The following SUGCT variants were observed in gnomAD, a reference collection of about 807,000 sequenced individuals.
The protein encoded by SUGCT is succinyl-CoA:glutarate-CoA transferase.
SUGCT carries 41 observed loss-of-function variants against 55.0 expected under a neutral mutation model. That is an observed-to-expected ratio of 0.74 (90% CI 0.58 to 0.97). The LOEUF is 0.97. Among genes scored for constraint, SUGCT ranks in the 50% least tolerant of loss-of-function variants. The probability of loss-of-function intolerance (pLI) is 0.00; values close to 1 mark genes in which losing one functional copy is unlikely to be tolerated. For missense variants in SUGCT, 568 were observed against 547.8 expected, an observed-to-expected ratio of 1.04 and a Z score of -0.37; for synonymous variants, 187 against 200.4, an observed-to-expected ratio of 0.93 and a Z score of 0.56.
chr7:40,853,971 A>T (rs1793988044), intron 13 of SUGCT, among the ~76,000 whole-genome samples: 1 of 152,230 alleles, frequency 6.6e-6, no homozygotes, highest in Admixed American at 6.5e-5. Flanking sequence ...CAGGCATCTA[A>T]ATAGACAATT....
At chr7:40,371,829 A>G (rs1784307993) in intron 9 of SUGCT, among the ~76,000 whole-genome samples, 1 of 152,060 alleles carries the variant, frequency 6.6e-6, no homozygotes, top group Non-Finnish European at 1.5e-5. Context: ...GAAGAAGAGA[A>G]TCTTCTGATT....
chr7:40,767,376 C>T (rs1788859982), intron 13 of SUGCT, among the ~76,000 whole-genome samples: 1 of 152,222 alleles, frequency 6.6e-6, no homozygotes, highest in South Asian at 2.1e-4. Context: ...TAAGCCCTAA[C>T]ATTCCCAAAC....
chr7:40,948,951 A>G, the SUGCT span, among the ~76,000 whole-genome samples: 1 of 152,158 alleles, frequency 6.6e-6, no homozygotes, highest in South Asian at 2.1e-4. Context: ...ATGATTTATA[A>G]TCCTTTGGGT....
At chr7:40,715,837 T>C (rs1054900061) in intron 12 of SUGCT, among the ~76,000 whole-genome samples, 2 of 152,210 alleles carry the variant, frequency 1.3e-5, no homozygotes, top group African/African-American at 4.8e-5. Context: ...CACTTTCCTG[T>C]GGTTTTTCGC....
chr7:40,245,310 T>C, intron 7 of SUGCT, among the ~76,000 whole-genome samples: 1 of 147,976 alleles, frequency 6.8e-6, no homozygotes, highest in African/African-American at 2.5e-5. Flanking sequence ...CCGCCTGCTT[T>C]GGCCTCTCAA....
intron 9 of SUGCT, among the ~76,000 whole-genome samples, chr7:40,325,092 A>G (rs1795962598): frequency 6.6e-6 from 1 of 152,210 alleles, no homozygotes; most frequent in Non-Finnish European, 1.5e-5. Flanking sequence ...AGAGACTCAG[A>G]CAGGCAGTAA....
At chr7:40,490,766 C>T (rs975122299) in intron 11 of SUGCT, among the ~76,000 whole-genome samples, 2 of 152,050 alleles carry the variant, frequency 1.3e-5, no homozygotes, top group African/African-American at 4.8e-5. Flanking sequence ...TATAGGAAGT[C>T]CCTAAATTGA....
intron 3 of SUGCT, among the ~76,000 whole-genome samples, chr7:40,183,048 G>T (rs1259153258): frequency 6.6e-6 from 1 of 152,190 alleles, no homozygotes; most frequent in Non-Finnish European, 1.5e-5. Flanking sequence ...CAAGGCAGGC[G>T]GATCACCTGA....
intron 12 of SUGCT, among the ~76,000 whole-genome samples, chr7:40,642,554 A>G (rs1355737510): frequency 1.3e-5 from 2 of 152,160 alleles, no homozygotes; most frequent in Non-Finnish European, 2.9e-5. Flanking sequence ...CACTATATTT[A>G]CTGGTCCCTG....
At chr7:41,024,512 A>T in the SUGCT span, among the ~76,000 whole-genome samples, 1,973 of 152,262 alleles carry the variant, frequency 0.013, 44 homozygotes, top group African/African-American at 0.045. Context: ...CCAATTTTTT[A>T]AAAAATGGCA....
At chr7:40,880,292 G>C in the SUGCT span, among the ~76,000 whole-genome samples, 4 of 152,138 alleles carry the variant, frequency 2.6e-5, no homozygotes, top group South Asian at 8.3e-4. Context: ...TATTTATTCA[G>C]GCAAGAGTAC....
At chr7:40,384,493 G>A (rs973904613) in intron 9 of SUGCT, among the ~76,000 whole-genome samples, 2 of 152,106 alleles carry the variant, frequency 1.3e-5, no homozygotes, top group Non-Finnish European at 2.9e-5. Context: ...TTATCATCCA[G>A]TAGTTGACAA....
At chr7:40,675,129 T>C (rs1783900015) in intron 12 of SUGCT, among the ~76,000 whole-genome samples, 1 of 151,688 alleles carries the variant, frequency 6.6e-6, no homozygotes, top group Non-Finnish European at 1.5e-5. Context: ...GGTGTGATCT[T>C]GGCTCACTGC....
intron 13 of SUGCT, among the ~76,000 whole-genome samples, chr7:40,795,030 T>C (rs1790484923): frequency 6.6e-6 from 1 of 152,146 alleles, no homozygotes; most frequent in African/African-American, 2.4e-5. Flanking sequence ...CCAAAGTAAA[T>C]GTTCCATAGA....
At chr7:40,182,223 G>T (rs951694418) in intron 3 of SUGCT, among the ~76,000 whole-genome samples, 195 bp downstream of exon 3, 1 of 152,090 alleles carries the variant, frequency 6.6e-6, no homozygotes, top group African/African-American at 2.4e-5. Flanking sequence ...CCTTATGTGT[G>T]CTAAGTGCTA....
At chr7:40,587,182 G>C (rs1159908153) in intron 12 of SUGCT, among the ~76,000 whole-genome samples, 2 of 152,102 alleles carry the variant, frequency 1.3e-5, no homozygotes, top group East Asian at 3.9e-4. Context: ...GATTTTTTGG[G>C]GGACATGATG....
intron 7 of SUGCT, among the ~76,000 whole-genome samples, chr7:40,244,183 A>G (rs1206001366): frequency 6.6e-6 from 1 of 152,226 alleles, no homozygotes; most frequent in East Asian, 1.9e-4. Context: ...AAAACAAAAC[A>G]AAATTAAAAA....
At chr7:41,030,013 T>C in the SUGCT span, among the ~76,000 whole-genome samples, 1 of 152,236 alleles carries the variant, frequency 6.6e-6, no homozygotes, top group Non-Finnish European at 1.5e-5. Flanking sequence ...TCATACAGAA[T>C]GCAGCCTGTT....
chr7:40,551,923 G>T (rs964000959), intron 12 of SUGCT, among the ~76,000 whole-genome samples: 4 of 152,158 alleles, frequency 2.6e-5, no homozygotes, highest in Admixed American at 2.0e-4. Flanking sequence ...GCTGTGAGAG[G>T]CTCCCTTCAG....
Sources: allele counts gnomAD v4.1 joint callset (sites outside exome capture counted in the v4.1 genomes callset), GRCh38; gene constraint gnomAD v4.1.1; transcripts MANE v1.5; gene names NCBI Gene and HGNC (gene_info 2026-07-23, HGNC 2026-07-21).